The following BANK1 variants were observed in gnomAD, a reference collection of about 807,000 sequenced individuals.
The protein encoded by BANK1 is B cell scaffold protein with ankyrin repeats 1.
BANK1 carries 95 observed loss-of-function variants against 94.5 expected under a neutral mutation model. That is an observed-to-expected ratio of 1.00 (90% CI 0.85 to 1.19). The LOEUF is 1.19. Among genes scored for constraint, BANK1 ranks in the 50% most tolerant of loss-of-function variants. The pLI, the probability that BANK1 is intolerant of heterozygous loss-of-function variation, is 0.00. For synonymous variants in BANK1, 334 were observed against 308.4 expected, an observed-to-expected ratio of 1.08 and a Z score of -0.87; for missense variants, 987 against 932.2, an observed-to-expected ratio of 1.06 and a Z score of -0.77.
At chr4:101,890,252 AAG>A (rs1721804737) in intron 5 of BANK1, among the ~76,000 whole-genome samples, 1 of 152,110 alleles carries the variant, frequency 6.6e-6, no homozygotes, top group Admixed American at 6.5e-5. Flanking sequence ...CAATTGTAGA[AAG>A]AGAGATATTT....
At chr4:101,806,390 A>C (rs1725555856) in intron 1 of BANK1, among the ~76,000 whole-genome samples, 1 of 152,188 alleles carries the variant, frequency 6.6e-6, no homozygotes, top group South Asian at 2.1e-4. Flanking sequence ...TTATTGAATA[A>C]TAGGATAGAT....
intron 2 of BANK1, among the ~76,000 whole-genome samples, chr4:101,849,522 C>T (rs2148871662): frequency 6.6e-6 from 1 of 152,020 alleles, no homozygotes; most frequent in Admixed American, 6.6e-5. Flanking sequence ...CACACATATA[C>T]ACACACACAC....
chr4:101,814,360 T>C (rs961176899), intron 1 of BANK1, among the ~76,000 whole-genome samples: 6 of 152,198 alleles, frequency 3.9e-5, no homozygotes, highest in Non-Finnish European at 1.5e-5. Context: ...TTATGCTTAC[T>C]GTCTTTTTTC....
chr4:101,836,295 C>G (rs574533513), intron 2 of BANK1, among the ~76,000 whole-genome samples: 69 of 152,170 alleles, frequency 4.5e-4, no homozygotes, highest in Non-Finnish European at 7.6e-4. Flanking sequence ...GGCTGGCCAA[C>G]ATGGTGAAAC....
intron 2 of BANK1, among the ~76,000 whole-genome samples, chr4:101,850,709 G>A (rs762273588): frequency 3.9e-5 from 6 of 152,146 alleles, no homozygotes; most frequent in Non-Finnish European, 8.8e-5. Flanking sequence ...TCATGTTTCT[G>A]TGTCACATTT....
intron 7 of BANK1, among the ~76,000 whole-genome samples, chr4:102,017,733 C>CT (rs1726758905): frequency 6.6e-6 from 1 of 152,306 alleles, no homozygotes; most frequent in East Asian, 1.9e-4. Context: ...CTGAATGAGA[C>CT]TTTGTTCACC....
intron 11 of BANK1, among the ~76,000 whole-genome samples, chr4:102,051,756 T>C (rs1270118260): frequency 1.3e-5 from 2 of 152,194 alleles, no homozygotes; most frequent in African/African-American, 2.4e-5. Flanking sequence ...TCTTTCCATA[T>C]ACATGCAGAA....
chr4:102,025,148 A>T, intron 8 of BANK1, 53 bp from the exon 9 acceptor site: 1 of 1,548,312 alleles, frequency 6.5e-7, no homozygotes, highest in Non-Finnish European at 8.8e-7. Flanking sequence ...AAAATATGAA[A>T]TGCCTTCAGA....
At chr4:101,819,649 A>C (rs868085737) in intron 1 of BANK1, among the ~76,000 whole-genome samples, 15 of 152,186 alleles carry the variant, frequency 9.9e-5, no homozygotes, top group African/African-American at 3.4e-4. Context: ...GAGTGTTACC[A>C]TTTGTTCTCT....
chr4:101,918,354 A>T (rs576764524), intron 7 of BANK1, among the ~76,000 whole-genome samples, 165 bp downstream of exon 7: 1 of 152,100 alleles, frequency 6.6e-6, no homozygotes, highest in South Asian at 2.1e-4. Context: ...GCAGAAAAAC[A>T]ATTTGATAAT....
At chr4:101,815,030 A>C (rs771266796) in intron 1 of BANK1, among the ~76,000 whole-genome samples, 2 of 152,178 alleles carry the variant, frequency 1.3e-5, no homozygotes, top group Non-Finnish European at 2.9e-5. Flanking sequence ...CAGTATTAAG[A>C]AATATGACAA....
intron 6 of BANK1, among the ~76,000 whole-genome samples, chr4:101,917,778 A>T (rs1243044577): frequency 2.0e-5 from 3 of 151,746 alleles, no homozygotes; most frequent in Non-Finnish European, 4.4e-5. Flanking sequence ...AGATTGGTGC[A>T]TTAATGCTAG....
At chr4:102,030,574 C>A (rs190484284) in intron 10 of BANK1, among the ~76,000 whole-genome samples, 10 of 151,492 alleles carry the variant, frequency 6.6e-5, no homozygotes, top group East Asian at 1.9e-4. Context: ...CTAATGTTAT[C>A]TCTCCCCCAG....
intron 7 of BANK1, among the ~76,000 whole-genome samples, chr4:101,945,123 A>G (rs1351033305): frequency 6.6e-6 from 1 of 151,944 alleles, no homozygotes; most frequent in Non-Finnish European, 1.5e-5. Context: ...TATTTGTACA[A>G]TTTACCTTTT....
At chr4:101,846,656 G>A (rs1270244012) in intron 2 of BANK1, among the ~76,000 whole-genome samples, 3 of 152,200 alleles carry the variant, frequency 2.0e-5, no homozygotes, top group African/African-American at 4.8e-5. Flanking sequence ...GCAGGAGATA[G>A]AGAGGGCAGG....
chr4:101,961,309 G>T (rs536345225), intron 7 of BANK1, among the ~76,000 whole-genome samples: 1 of 152,070 alleles, frequency 6.6e-6, no homozygotes, highest in African/African-American at 2.4e-5. Flanking sequence ...AAAAGTTAGC[G>T]TCAGCCATGT....
chr4:101,833,494 T>C (rs556011023), intron 2 of BANK1, among the ~76,000 whole-genome samples: 1 of 152,238 alleles, frequency 6.6e-6, no homozygotes, highest in Non-Finnish European at 1.5e-5. Context: ...GTCTGCTTTT[T>C]AGAACCAAAC....
In BANK1 at chr4:102,042,001, C is replaced by G. The variant is rs145316115; in HGVS notation, c.1901-1838C>G. On this transcript the variant is annotated intron_variant, in intron 10 of 16. Transcript: ENST00000322953. ...CCTCAGCAGAATTTTAAAAACTTAT[C>G]AATTAATGTAATTTTTATTTGAAGA... Among the ~76,000 whole-genome samples the G allele has an allele frequency of 4.1e-3, 626 of 152,066 alleles. 4 individuals carry two copies. Among genetic ancestry groups the G allele is most frequent in the African/African-American group, 0.014 (596 of 41,512 alleles).
At chr4:101,999,338 T>C (rs1725985586) in intron 7 of BANK1, among the ~76,000 whole-genome samples, 6 of 152,198 alleles carry the variant, frequency 3.9e-5, no homozygotes, top group Admixed American at 3.9e-4. Context: ...TTCTCCACCT[T>C]CAAAGCCAGC....
Sources: allele counts gnomAD v4.1 joint callset (sites outside exome capture counted in the v4.1 genomes callset), GRCh38; gene constraint gnomAD v4.1.1; transcripts MANE v1.5; gene names NCBI Gene and HGNC (gene_info 2026-07-23, HGNC 2026-07-21).